The following ZNF503 variants were observed in gnomAD, a reference collection of about 807,000 sequenced individuals.
ZNF503 encodes zinc finger protein 503.
A neutral mutation model predicts 34.4 loss-of-function variants in ZNF503; 15 were observed. The observed-to-expected ratio is 0.44, with a 90% CI of 0.29 to 0.67. ZNF503 has a LOEUF of 0.67. ZNF503 is among the 30% of genes least tolerant of loss of function. The pLI is 0.13. For synonymous variants in ZNF503, 580 were observed against 456.8 expected, an observed-to-expected ratio of 1.27 and a Z score of -3.44; for missense variants, 1,007 against 926.8, an observed-to-expected ratio of 1.09 and a Z score of -1.12.
Position 75,399,215 on chromosome 10 carries a change from G to T in ZNF503, c.1475C>A (p.Pro492Gln). The change falls in exon 2 of 2, where the codon CCG becomes CAG. Residue 492 changes from proline (P) to glutamine (Q), a missense_variant. Physicochemically the swap from Pro to Gln is moderately conservative, Grantham distance 76. Transcript: ENST00000372524. ...GAGGGGGTGGCCGGCCAGGGAGGGC[G>T]GTGTGGCGCCAGCAGCCGCGGCGGC... ...LTAAAAAGAT[P>Q]PSLAGHPLYP... 1 of 1,594,458 alleles carries T rather than the reference G, an allele frequency of 6.3e-7. No homozygotes were observed. Among genetic ancestry groups the T allele is most frequent in the Non-Finnish European group, 8.6e-7 (1 of 1,169,192 alleles).
At chr10:75,297,007 TTC>T in the ZNF503 span, among the ~76,000 whole-genome samples, 28 of 152,128 alleles carry the variant, frequency 1.8e-4, no homozygotes, top group African/African-American at 6.5e-4. Context: ...TACCCCCAGT[TTC>T]TCTCTCCAGC....
At chr10:75,355,036 G>C in the ZNF503 span, among the ~76,000 whole-genome samples, 1 of 152,030 alleles carries the variant, frequency 6.6e-6, no homozygotes, top group South Asian at 2.1e-4. Flanking sequence ...GTAGAGACAG[G>C]GTTCCGCCAT....
rs1263671155 is a variant in ZNF503, at chr10:75,398,522, C to CT, written c.*226dup. ...AAAAAGTCAAATGATATTTTTTCAA[C>CT]TTTTATAAAGTTTGGGTGGGGAGGT... On this transcript the variant is annotated 3_prime_UTR_variant, in exon 2 of 2. Transcript: ENST00000372524. The CT allele has an allele frequency of 1.3e-5, 5 of 396,588 alleles. No homozygotes were observed. The highest frequency in any genetic ancestry group is 8.3e-5 in the African/African-American group (4 of 48,428). 24.6% of individuals were successfully genotyped at this position (396,588 alleles called of 1,614,324 possible). A position where few individuals can be genotyped will look rare whatever the true frequency, so the allele number is the denominator to read the frequency against.
the ZNF503 span, among the ~76,000 whole-genome samples, chr10:75,378,158 C>T: frequency 6.6e-6 from 1 of 151,966 alleles, no homozygotes; most frequent in African/African-American, 2.4e-5. Flanking sequence ...CCCACCAGGC[C>T]CCACCTCCAG....
At chr10:75,353,472 C>T in the ZNF503 span, among the ~76,000 whole-genome samples, 100 of 152,318 alleles carry the variant, frequency 6.6e-4, no homozygotes, top group South Asian at 1.7e-3. Context: ...CGGCCAGGAC[C>T]CTCAGGGCAG....
the ZNF503 span, among the ~76,000 whole-genome samples, chr10:75,366,394 T>C: frequency 1.4e-3 from 212 of 152,338 alleles, no homozygotes; most frequent in African/African-American, 5.1e-3. Context: ...ATAGCCTGGC[T>C]AGAGGTAGCC....
chr10:75,294,041 G>C, the ZNF503 span, among the ~76,000 whole-genome samples: 2 of 152,204 alleles, frequency 1.3e-5, no homozygotes, highest in African/African-American at 4.8e-5. Context: ...GGACGCAGTA[G>C]AGGCTCAATC....
Position 75,398,607 on chromosome 10 carries a change from A to C in ZNF503, c.*142T>G. 1 of 706,266 alleles carries C rather than the reference A, an allele frequency of 1.4e-6. No homozygotes were observed. The highest frequency in any genetic ancestry group is 2.0e-6 in the Non-Finnish European group (1 of 504,464). The allele number at this position is 706,266 out of a possible 1,614,324, so 43.7% of individuals were successfully genotyped here. Reference sequence around the variant, plus strand: ...TCGGTCGCTGCTGTCGGGTAGATAGATACGGTATACATTTCTTTCCTTTCG... The same window carrying C: ...TCGGTCGCTGCTGTCGGGTAGATAGCTACGGTATACATTTCTTTCCTTTCG... On this transcript the variant is annotated 3_prime_UTR_variant, in exon 2 of 2. Coordinates refer to ENST00000372524, the MANE Select transcript of ZNF503 (RefSeq NM_032772.6).
chr10:75,296,603 G>C, the ZNF503 span: 1 of 152,232 alleles, frequency 6.6e-6, no homozygotes, highest in Admixed American at 6.5e-5. Flanking sequence ...CTCCAGCCTG[G>C]TGGAGATGAA....
the ZNF503 span, among the ~76,000 whole-genome samples, chr10:75,375,025 G>T: frequency 3.3e-5 from 5 of 152,340 alleles, no homozygotes; most frequent in Admixed American, 2.0e-4. Flanking sequence ...TCGGTGGCCA[G>T]ATTGGTCCCT....
chr10:75,361,271 G>A, the ZNF503 span: 1 of 152,142 alleles, frequency 6.6e-6, no homozygotes, highest in Non-Finnish European at 1.5e-5. Flanking sequence ...AATAATGCAG[G>A]CTTAGCACAG....
chr10:75,289,564 C>T, the ZNF503 span, among the ~76,000 whole-genome samples: 2 of 152,104 alleles, frequency 1.3e-5, no homozygotes, highest in African/African-American at 2.4e-5. Context: ...GTACACATAA[C>T]ATTTACCATG....
the ZNF503 span, among the ~76,000 whole-genome samples, chr10:75,362,963 C>A: frequency 1.3e-5 from 2 of 152,082 alleles, no homozygotes; most frequent in South Asian, 4.2e-4. Flanking sequence ...TTGGCCAAGT[C>A]CCCACCCCTG....
the ZNF503 span, among the ~76,000 whole-genome samples, chr10:75,323,257 T>C: frequency 1.8e-4 from 27 of 152,356 alleles, no homozygotes; most frequent in Admixed American, 1.7e-3. Context: ...ATAATGTTTA[T>C]CCATTTGCCA....
downstream of ZNF503, among the ~76,000 whole-genome samples, chr10:75,395,199 T>A (rs186125039): frequency 3.9e-5 from 6 of 152,106 alleles, no homozygotes; most frequent in African/African-American, 1.4e-4. The surrounding 1 kb of genome is among the most constrained non-coding windows in gnomAD (Gnocchi z 4.4). Flanking sequence ...GCCTTGAGGG[T>A]GGGAGCTCCC....
the ZNF503 span, among the ~76,000 whole-genome samples, chr10:75,329,820 T>G: frequency 6.6e-6 from 1 of 152,170 alleles, no homozygotes; most frequent in African/African-American, 2.4e-5. Context: ...CAGGGACAGT[T>G]TGACTTTCTC....
downstream of ZNF503, among the ~76,000 whole-genome samples, chr10:75,393,377 T>C (rs1345133972): frequency 1.3e-5 from 2 of 152,310 alleles, no homozygotes; most frequent in African/African-American, 2.4e-5. Context: ...CAAGCATAGG[T>C]TGAAACCCTA....
the ZNF503 span, among the ~76,000 whole-genome samples, chr10:75,289,975 C>T: frequency 4.6e-5 from 7 of 152,196 alleles, no homozygotes; most frequent in Non-Finnish European, 8.8e-5. Context: ...AACAGAAACT[C>T]TGTACCCACT....
At chr10:75,324,353 C>G in the ZNF503 span, among the ~76,000 whole-genome samples, 1 of 150,830 alleles carries the variant, frequency 6.6e-6, no homozygotes, top group Non-Finnish European at 1.5e-5. Flanking sequence ...CAGGGTCTCG[C>G]TCTATCACCC....
Sources: allele counts gnomAD v4.1 joint callset (sites outside exome capture counted in the v4.1 genomes callset), GRCh38; gene constraint gnomAD v4.1.1; non-coding constraint Gnocchi (gnomAD v3.1); transcripts MANE v1.5; gene names NCBI Gene and HGNC (gene_info 2026-07-23, HGNC 2026-07-21).